Variants in FGF13 observed in about 807,000 individuals in gnomAD.
The protein encoded by FGF13 is fibroblast growth factor 13.
A neutral mutation model predicts 19.5 loss-of-function variants in FGF13; 2 were observed. That is an observed-to-expected ratio of 0.10 (90% CI 0.04 to 0.32). The LOEUF is 0.32. Ranked by LOEUF, FGF13 falls within the 10% of genes least tolerant of loss-of-function variation. The probability of loss-of-function intolerance (pLI) is 1.00; values close to 1 mark genes in which losing one functional copy is unlikely to be tolerated. For synonymous variants in FGF13, 72 were observed against 76.9 expected, an observed-to-expected ratio of 0.94 and a Z score of 0.33; for missense variants, 113 against 192.7, an observed-to-expected ratio of 0.59 and a Z score of 2.45.
chrX:138,815,158 G>A (rs1341464341), intron 3 of FGF13, among the ~76,000 whole-genome samples: 1 of 110,783 alleles, frequency 9.0e-6, no homozygotes, highest in African/African-American at 3.3e-5. Flanking sequence ...TAGAAGCAGA[G>A]AGTAGAATGC....
chrX:139,069,382 A>C (rs1475251442), intron 1 of FGF13, among the ~76,000 whole-genome samples: 6 of 79,102 alleles, frequency 7.6e-5, no homozygotes, highest in Non-Finnish European at 1.2e-4. Context: ...CAAACACCGC[A>C]TATTCTCACT....
intron 1 of FGF13, among the ~76,000 whole-genome samples, chrX:138,956,354 CT>C (rs780915436): frequency 6.3e-5 from 7 of 111,857 alleles, no homozygotes; most frequent in Non-Finnish European, 1.1e-4. Flanking sequence ...CACAAATCAG[CT>C]GTATTTCCTT....
chrX:139,073,352 TGTGA>T (rs2092382967), intron 1 of FGF13, among the ~76,000 whole-genome samples: 1 of 110,952 alleles, frequency 9.0e-6, no homozygotes, highest in Admixed American at 9.7e-5. Context: ...TTTTCTCAGT[TGTGA>T]GTAAGGGATA....
chrX:138,779,945 A>C (rs1417058603), intron 3 of FGF13, among the ~76,000 whole-genome samples: 1 of 104,983 alleles, frequency 9.5e-6, no homozygotes, highest in African/African-American at 3.5e-5. Context: ...AGGGAAGCCC[A>C]TCAGACTAAC....
intron 1 of FGF13, among the ~76,000 whole-genome samples, chrX:138,984,588 A>AAGAAGGAGG (rs2091982501): frequency 3.5e-4 from 4 of 11,503 alleles, no homozygotes; most frequent in Non-Finnish European, 5.7e-4. Flanking sequence ...GAAGAAGAAG[A>AAGAAGGAGG]AGGAGGAGGA....
At chrX:139,200,172 T>C (rs776645606) in intron 1 of FGF13, among the ~76,000 whole-genome samples, 35 of 112,244 alleles carry the variant, frequency 3.1e-4, no homozygotes, top group Non-Finnish European at 1.9e-4. Flanking sequence ...AATAGACAGA[T>C]GATCACTGTT....
intron 1 of FGF13, among the ~76,000 whole-genome samples, chrX:139,052,795 G>A (rs2092306695): frequency 9.0e-6 from 1 of 111,596 alleles, no homozygotes; most frequent in Non-Finnish European, 1.9e-5. Flanking sequence ...GTTTGTTTTT[G>A]AAACACCAAT....
intron 1 of FGF13, among the ~76,000 whole-genome samples, chrX:139,041,883 C>T (rs181517813): frequency 3.1e-4 from 35 of 111,963 alleles, no homozygotes; most frequent in Admixed American, 2.8e-3. Flanking sequence ...TGTTCAAATT[C>T]GGGTAATAAA....
intron 1 of FGF13, among the ~76,000 whole-genome samples, chrX:138,965,576 T>G (rs1465118548): frequency 8.9e-6 from 1 of 112,242 alleles, no homozygotes; most frequent in Non-Finnish European, 1.9e-5. Context: ...CAAATGGGCC[T>G]GTCATTAAAA....
chrX:139,147,959 GA>G (rs2083904219), intron 1 of FGF13, among the ~76,000 whole-genome samples: 1 of 110,797 alleles, frequency 9.0e-6, no homozygotes, highest in African/African-American at 3.3e-5. Context: ...GCAACATTCT[GA>G]AATTCTGGGT....
intron 3 of FGF13, among the ~76,000 whole-genome samples, chrX:138,761,901 C>A (rs1444987424): frequency 9.1e-6 from 1 of 110,312 alleles, no homozygotes; most frequent in Non-Finnish European, 1.9e-5. Flanking sequence ...CAGGTGGTGA[C>A]AGAGGTCTGT....
At chrX:139,024,239 T>C (rs1293421375) in intron 1 of FGF13, among the ~76,000 whole-genome samples, 1 of 111,307 alleles carries the variant, frequency 9.0e-6, no homozygotes, top group East Asian at 2.8e-4. Context: ...TCTGTTGCAA[T>C]GTAAATAACT....
At chrX:139,025,681 C>T (rs2092198134) in intron 1 of FGF13, among the ~76,000 whole-genome samples, 1 of 111,399 alleles carries the variant, frequency 9.0e-6, no homozygotes, top group Non-Finnish European at 1.9e-5. Flanking sequence ...AATACCTCTT[C>T]CTTACAGATG....
chrX:139,158,867 T>C lies in FGF13; in HGVS notation c.-113+44549A>G, dbSNP rs1390265561. ...TACATTTGACTGGTGTACCTGAAAG[T>C]GATGGGGAGAATGGAAGCAAGTTGG... On this transcript the variant is annotated intron_variant, in intron 1 of 2. Transcript: ENST00000421460. 2.8e-5 allele frequency among the ~76,000 whole-genome samples: 3 copies of C among 107,931 alleles called. No homozygotes were observed. The Admixed American group carries it at 2.9e-4, about 10-fold the overall frequency. 93.7% of individuals were successfully genotyped at this position (107,931 alleles called of 115,157 possible).
chrX:138,783,526 A>G (rs1326455795), intron 3 of FGF13, among the ~76,000 whole-genome samples: 1 of 97,051 alleles, frequency 1.0e-5, no homozygotes, highest in African/African-American at 3.7e-5. Context: ...ACACTTCTCA[A>G]AAGAAGACAT....
chrX:138,802,923 A>T (rs1419349588), intron 3 of FGF13, among the ~76,000 whole-genome samples: 1 of 111,802 alleles, frequency 8.9e-6, no homozygotes, highest in Non-Finnish European at 1.9e-5. Flanking sequence ...ACATGGCTAA[A>T]CAACTTCCAC....
In FGF13 at chrX:138,994,049, TAGAA is replaced by T. The variant is rs199780992; in HGVS notation, c.-112-129403_-112-129400del. Among the ~76,000 whole-genome samples, 624 of 111,797 alleles carry T rather than the reference TAGAA, an allele frequency of 5.6e-3. 5 individuals carry two copies. Among genetic ancestry groups the T allele is most frequent in the African/African-American group, 0.019 (592 of 30,735 alleles). On this transcript the variant is annotated intron_variant, in intron 1 of 2. Coordinates refer to the FGF13 transcript ENST00000421460. ...ACTAGAGACTACTGGATCCTTGAAA[TAGAA>T]AGCCTCCAGTTTTGCTGTTGTCATT...
In FGF13 at chrX:138,703,053, C is replaced by G; in HGVS notation, c.333G>C (p.Val111=). ...TGGTTTGAACTCCTTGGATAGCCAC[C>G]ACTCGCAGACCCACAGGGATGAGGT... ...LFNLIPVGLR[V]VAIQGVQTKL... The change falls in exon 3 of 5, where the codon GTG becomes GTC. Residue 111 remains valine, a synonymous_variant. Transcript: ENST00000315930. 2 of 1,208,368 alleles carry G rather than the reference C, an allele frequency of 1.7e-6. No individual in the cohort carries two copies. The highest frequency in any genetic ancestry group is 2.2e-6 in the Non-Finnish European group (2 of 892,337).
At chrX:138,857,624 G>A (rs1468463615) in exon 3 of FGF13, 1 of 1,207,042 alleles carries the variant, frequency 8.3e-7, no homozygotes, top group Admixed American at 2.2e-5. Context: ...CAGATTGGAT[G>A]GAATCTTGTC....
Sources: allele counts gnomAD v4.1 joint callset (sites outside exome capture counted in the v4.1 genomes callset), GRCh38; gene constraint gnomAD v4.1.1; transcripts MANE v1.5; gene names NCBI Gene and HGNC (gene_info 2026-07-23, HGNC 2026-07-21).